MACROD1: variants seen among roughly 807,000 people sequenced by gnomAD.
MACROD1 encodes the protein mono-ADP ribosylhydrolase 1, also known as ADP-ribose glycohydrolase MACROD1.
Under a neutral mutation model 41.4 loss-of-function variants are expected in MACROD1, and 31 were observed. That is an observed-to-expected ratio of 0.75 (90% CI 0.56 to 1.01). The LOEUF is 1.01. Ranked by LOEUF, MACROD1 falls within the 50% of genes least tolerant of loss-of-function variation. The pLI is 0.00. For missense variants in MACROD1, 473 were observed against 460.0 expected, an observed-to-expected ratio of 1.03 and a Z score of -0.26; for synonymous variants, 252 against 203.4, an observed-to-expected ratio of 1.24 and a Z score of -2.03.
intron 3 of MACROD1, among the ~76,000 whole-genome samples, chr11:64,060,918 C>A (rs1002475714): frequency 1.3e-5 from 2 of 151,962 alleles, no homozygotes; most frequent in African/African-American, 4.8e-5. Flanking sequence ...ATATTCATGA[C>A]CTTGGCGGGC....
intron 3 of MACROD1, among the ~76,000 whole-genome samples, chr11:64,113,922 G>T (rs1230873719): frequency 6.8e-5 from 10 of 146,012 alleles, no homozygotes; most frequent in Middle Eastern, 3.5e-3. Flanking sequence ...ACAGGTGGAT[G>T]CATGGATTGA....
At chr11:64,149,260 C>T (rs1346242603) in intron 3 of MACROD1, among the ~76,000 whole-genome samples, 3 of 152,170 alleles carry the variant, frequency 2.0e-5, no homozygotes, top group South Asian at 4.1e-4. Flanking sequence ...TTGCACGTCA[C>T]GTGCATCAGC....
intron 3 of MACROD1, chr11:64,116,747 C>T (rs1322160005): frequency 6.2e-7 from 1 of 1,613,678 alleles, no homozygotes; most frequent in South Asian, 1.1e-5. Context: ...ACCTGGATGA[C>T]AACTCCGTGT....
At chr11:64,024,770 C>T (rs1405014696) in intron 3 of MACROD1, among the ~76,000 whole-genome samples, 2 of 152,072 alleles carry the variant, frequency 1.3e-5, no homozygotes, top group African/African-American at 4.8e-5. Context: ...CGGCCATGGA[C>T]CCCTCAGTCT....
At chr11:64,126,437 G>C (rs567195545) in intron 3 of MACROD1, among the ~76,000 whole-genome samples, 83 of 152,290 alleles carry the variant, frequency 5.5e-4, no homozygotes, top group African/African-American at 1.9e-3. Context: ...GCTGGAGCCA[G>C]GAGGTAAGTG....
chr11:64,138,130 T>G (rs1945356762), intron 3 of MACROD1, among the ~76,000 whole-genome samples: 1 of 152,024 alleles, frequency 6.6e-6, no homozygotes, highest in African/African-American at 2.4e-5. Flanking sequence ...CCGGCCAAGG[T>G]CACAAGAGCT....
rs760175490 is a variant in MACROD1, at chr11:64,146,525, G to A, written c.517+4714C>T. Among the ~76,000 whole-genome samples, 21 of 152,302 alleles carry A rather than the reference G, an allele frequency of 1.4e-4. No homozygotes were observed. Among genetic ancestry groups the A allele is most frequent in the Admixed American group, 1.0e-3 (16 of 15,302 alleles). Reference sequence around the variant, plus strand: ...CCCAAGCAAGTGGCCTCAGCTGGCAGCCCACGGGGACAGGGCCCAGGGAGG... The same window carrying A: ...CCCAAGCAAGTGGCCTCAGCTGGCAACCCACGGGGACAGGGCCCAGGGAGG... On this transcript the variant is annotated intron_variant, in intron 3 of 10. Coordinates refer to ENST00000255681, the MANE Select transcript of MACROD1 (RefSeq NM_014067.4). The surrounding 1 kb of genome is among the most constrained non-coding windows in gnomAD (Gnocchi z 4.7).
chr11:64,163,678 C>T (rs971151221), intron 1 of MACROD1, among the ~76,000 whole-genome samples: 1 of 152,198 alleles, frequency 6.6e-6, no homozygotes, highest in Admixed American at 6.5e-5. Flanking sequence ...CAAGTCCCAC[C>T]CGGCCTCAGA....
chr11:64,145,092 G>A (rs1045748358), intron 3 of MACROD1, among the ~76,000 whole-genome samples: 9 of 152,208 alleles, frequency 5.9e-5, no homozygotes, highest in Non-Finnish European at 1.2e-4. Context: ...CCGGTGCTTG[G>A]GAGGAGGGCG....
intron 4 of MACROD1, chr11:64,001,756 G>A: frequency 1.4e-6 from 1 of 702,274 alleles, no homozygotes; most frequent in Non-Finnish European, 2.6e-6. Flanking sequence ...CTGAGATGGA[G>A]CAAGAAGGCA....
chr11:64,160,575 C>A, intron 1 of MACROD1, among the ~76,000 whole-genome samples: 1 of 152,052 alleles, frequency 6.6e-6, no homozygotes, highest in East Asian at 1.9e-4. Context: ...CTTTTGCAGG[C>A]GGAGGTGGGA....
At chr11:64,002,812 C>T (rs1942848072) in intron 4 of MACROD1, among the ~76,000 whole-genome samples, 1 of 152,162 alleles carries the variant, frequency 6.6e-6, no homozygotes, top group Non-Finnish European at 1.5e-5. Context: ...TCCTGGGGTC[C>T]CATTCAGGGG....
chr11:64,142,246 C>T (rs1945423923), intron 3 of MACROD1, among the ~76,000 whole-genome samples: 2 of 152,208 alleles, frequency 1.3e-5, no homozygotes, highest in Admixed American at 1.3e-4. Flanking sequence ...CAACAAACAT[C>T]AGGTCAGACA....
At chr11:64,025,912 G>GT (rs1565199179) in intron 3 of MACROD1, among the ~76,000 whole-genome samples, 2 of 151,984 alleles carry the variant, frequency 1.3e-5, no homozygotes, top group African/African-American at 4.8e-5. Flanking sequence ...GCCGGGCGCC[G>GT]TAACTCACAC....
chr11:64,032,734 G>T (rs1943310794), intron 3 of MACROD1, among the ~76,000 whole-genome samples: 1 of 152,152 alleles, frequency 6.6e-6, no homozygotes, highest in African/African-American at 2.4e-5. Flanking sequence ...TCCTCCTGGA[G>T]CCCACAGCTC....
intron 3 of MACROD1, among the ~76,000 whole-genome samples, chr11:64,029,982 G>A (rs1030266207): frequency 3.3e-5 from 5 of 152,184 alleles, no homozygotes; most frequent in African/African-American, 1.2e-4. Context: ...GGGCCCATGA[G>A]AGAAGCCTGG....
intron 3 of MACROD1, among the ~76,000 whole-genome samples, chr11:64,145,989 C>CA (rs1392417992): frequency 6.6e-6 from 1 of 152,114 alleles, no homozygotes; most frequent in Non-Finnish European, 1.5e-5. Context: ...AGGCTGCTCT[C>CA]AAACTCCTGA....
At chr11:64,020,693 T>G (rs986470007) in intron 3 of MACROD1, among the ~76,000 whole-genome samples, 4 of 151,946 alleles carry the variant, frequency 2.6e-5, no homozygotes, top group Non-Finnish European at 1.5e-5. Context: ...CATGAATCAC[T>G]ATCACTGCCT....
intron 3 of MACROD1, among the ~76,000 whole-genome samples, chr11:64,143,452 A>G (rs1226953925): frequency 3.3e-5 from 5 of 152,124 alleles, no homozygotes; most frequent in Admixed American, 6.5e-5. Context: ...CCCTCAGTCC[A>G]GAGCCGGAGC....
Sources: allele counts gnomAD v4.1 joint callset (sites outside exome capture counted in the v4.1 genomes callset), GRCh38; gene constraint gnomAD v4.1.1; non-coding constraint Gnocchi (gnomAD v3.1); transcripts MANE v1.5; gene names NCBI Gene and HGNC (gene_info 2026-07-23, HGNC 2026-07-21).